Variants in FAM149A observed in about 807,000 individuals in gnomAD.
FAM149A encodes family with sequence similarity 149 member A, also known as protein FAM149A.
FAM149A carries 71 observed loss-of-function variants against 78.2 expected under a neutral mutation model. The ratio of observed to expected loss-of-function variants is 0.91; its 90% confidence interval spans 0.75 to 1.11. The LOEUF is 1.11. FAM149A is among the 50% of genes least tolerant of loss of function. The probability of loss-of-function intolerance (pLI) is 0.00; values close to 1 mark genes in which losing one functional copy is unlikely to be tolerated. For missense variants in FAM149A, 1,036 were observed against 971.0 expected (o/e 1.07, Z -0.89); for synonymous variants, 446 against 410.5 (o/e 1.09, Z -1.04).
chr4:186,132,889 T>C, intron 1 of FAM149A: 1 of 878,716 alleles, frequency 1.1e-6, no homozygotes, highest in Non-Finnish European at 1.4e-6. Flanking sequence ...TCTGTTTTGC[T>C]TTCACAGTCT....
rs201889401 is a variant in FAM149A, at chr4:186,149,654, A to G, written c.739A>G (p.Thr247Ala). 1,617 of 1,289,946 alleles carry G rather than the reference A, an allele frequency of 1.3e-3. 9 individuals are homozygous for G. The Middle Eastern group carries it at 0.025, about 20-fold the overall frequency. 79.9% of individuals were successfully genotyped at this position (1,289,946 alleles called of 1,614,324 possible). ...GTCTGGGTCGGCCACACAGAGCTCT[A>G]CCACCGGCTCATCCACGGAGAGGGG... The change falls in exon 3 of 14, where the codon ACC (threonine) becomes GCC (alanine). Residue 247 changes from threonine to alanine, a missense_variant. By Grantham distance (58) the Thr-to-Ala change is moderately conservative. This residue lies in a region of FAM149A where 716 missense variants were observed against 711.8 expected (regional missense o/e 1.01). Coordinates refer to ENST00000389354, the MANE Select transcript of FAM149A (RefSeq NM_001367768.3).
intron 1 of FAM149A, among the ~76,000 whole-genome samples, chr4:186,120,521 C>T (rs938938728): frequency 8.6e-5 from 13 of 151,914 alleles, no homozygotes; most frequent in African/African-American, 1.5e-4. Context: ...AGACCGGGCG[C>T]GGTGGCTCAC....
rs201628023 is a variant in FAM149A at position 186,163,610 on chromosome 4, C to T, written c.1866C>T (p.Asp622=). Residue 622 remains aspartate (D), a synonymous_variant, in exon 10 of 14, where the codon GAC becomes GAT. Coordinates refer to ENST00000389354, the MANE Select transcript of FAM149A (RefSeq NM_001367768.3). ...TAAAAACTCCCAACATCTATAGTGA[C>T]GAAGTTCTTCGGGGAACAAAACTGT... 11 of 1,613,964 alleles carry T rather than the reference C, an allele frequency of 6.8e-6. No individual in the cohort carries two copies. The East Asian group carries it at 8.9e-5, about 13-fold the overall frequency.
chr4:186,105,408 C>T lies in FAM149A; in HGVS notation c.332C>T (p.Pro111Leu), dbSNP rs1311675762. Residue 111 changes from proline to leucine, a missense_variant, in exon 1 of 14, where the codon CCC becomes CTC. Physicochemically the swap from Pro to Leu is moderately conservative, Grantham distance 98. Coordinates refer to ENST00000389354, the MANE Select transcript of FAM149A (RefSeq NM_001367768.3). ...GCGGGTAAAGCCCCGCCCCAGCCCC[C>T]CACTCCCTCCGGCGGGGGCTGCTCC... The T allele has an allele frequency of 1.7e-6, 2 of 1,186,448 alleles. No individual in the cohort carries two copies. Among genetic ancestry groups the T allele is most frequent in the Non-Finnish European group, 2.1e-6 (2 of 946,172 alleles). 73.5% of individuals were successfully genotyped at this position (1,186,448 alleles called of 1,614,324 possible). A position where few individuals can be genotyped will look rare whatever the true frequency, so the allele number is the denominator to read the frequency against.
intron 1 of FAM149A, chr4:186,132,944 A>G (rs1328592319): frequency 2.0e-6 from 2 of 983,086 alleles, no homozygotes; most frequent in African/African-American, 3.5e-5. Flanking sequence ...CCCCAGTGTG[A>G]TGGTATTTGG....
intron 1 of FAM149A, chr4:186,146,369 C>T: frequency 1.6e-6 from 1 of 627,172 alleles, no homozygotes; most frequent in Non-Finnish European, 2.0e-6. Context: ...ACCCAACTTC[C>T]CATTTCCCCC....
chr4:186,160,011 AC>A (rs1373024301), intron 8 of FAM149A, among the ~76,000 whole-genome samples: 4 of 88,442 alleles, frequency 4.5e-5, no homozygotes, highest in South Asian at 4.0e-4. Flanking sequence ...CCCCCCACAC[AC>A]CCCCCACACA....
At chr4:186,118,261 G>A in intron 1 of FAM149A, 1 of 984,188 alleles carries the variant, frequency 1.0e-6, no homozygotes, top group Non-Finnish European at 1.2e-6. Flanking sequence ...TCTGAAATGA[G>A]GAGCGTCTCC....
chr4:186,158,448 C>T (rs916034885), intron 8 of FAM149A: 1 of 1,144,082 alleles, frequency 8.7e-7, no homozygotes, highest in African/African-American at 1.6e-5. Flanking sequence ...ACACCATCCC[C>T]CAGGAACACC....
intron 7 of FAM149A, 40 bp from the exon 8 acceptor site, chr4:186,157,525 T>C (rs1734140970): frequency 1.3e-6 from 2 of 1,585,896 alleles, no homozygotes; most frequent in South Asian, 1.1e-5. Flanking sequence ...TATTAGATAA[T>C]CTGATGTTTC....
Position 186,104,848 on chromosome 4 carries a change from C to A in FAM149A, c.-229C>A. On this transcript the variant is annotated 5_prime_UTR_variant, in exon 1 of 14. Coordinates refer to ENST00000389354, the MANE Select transcript of FAM149A (RefSeq NM_001367768.3). ...GGGGTCTCACGGCGCTGGGACGAGGCGGGGCTGCTCTCCGCAGCCGGGGCG... is the reference window on the plus strand; with the variant it reads ...GGGGTCTCACGGCGCTGGGACGAGGAGGGGCTGCTCTCCGCAGCCGGGGCG... The A allele has an allele frequency of 1.7e-6, 1 of 591,586 alleles. No individual in the cohort carries two copies. The highest frequency in any genetic ancestry group is 2.1e-6 in the Non-Finnish European group (1 of 470,226). The allele number at this position is 591,586 out of a possible 1,614,324, so 36.6% of individuals were successfully genotyped here.
chr4:186,171,909 T>C lies in FAM149A; in HGVS notation c.2219-5T>C, dbSNP rs753781631. 6.2e-7 allele frequency: 1 copy of C among 1,603,800 alleles called. No individual in the cohort carries two copies. The highest frequency in any genetic ancestry group is 2.2e-5 in the East Asian group (1 of 44,570). The stretch of plus-strand genomic sequence containing the variant: ...TGAGAATTACCTTTTGCTTGGTGTT[T>C]CCAGGTTCACAATATGTGCCTAAAT... On this transcript the variant is annotated splice_region_variant and splice_polypyrimidine_tract_variant and intron_variant, in intron 13 of 13. Transcript: ENST00000389354.
At chr4:186,118,305 T>A (rs1168964242) in intron 1 of FAM149A, 2 of 906,264 alleles carry the variant, frequency 2.2e-6, no homozygotes, top group Admixed American at 1.2e-4. Context: ...TCAATGTGTG[T>A]GCCATTAGCT....
At chr4:186,137,331 G>A (rs780871453) in intron 1 of FAM149A, among the ~76,000 whole-genome samples, 6 of 151,822 alleles carry the variant, frequency 4.0e-5, no homozygotes, top group South Asian at 2.1e-4. Flanking sequence ...TGAGGTTTAC[G>A]AGTAAGGTAC....
intron 1 of FAM149A, among the ~76,000 whole-genome samples, chr4:186,145,454 T>C (rs1487952887): frequency 1.3e-5 from 2 of 152,202 alleles, no homozygotes; most frequent in East Asian, 1.9e-4. Flanking sequence ...ACAGTGCTTA[T>C]GTCAGACAGT....
chr4:186,156,154 G>A lies in FAM149A; in HGVS notation c.1384G>A (p.Glu462Lys), dbSNP rs750887144. 3 of 1,613,244 alleles carry A rather than the reference G, an allele frequency of 1.9e-6. No homozygotes were observed. The highest frequency in any genetic ancestry group is 1.7e-5 in the Admixed American group (1 of 59,848). Residue 462 changes from glutamate to lysine, a missense_variant, in exon 7 of 14, where the codon GAG (glutamate) becomes AAG (lysine). Coordinates refer to ENST00000389354, the MANE Select transcript of FAM149A (RefSeq NM_001367768.3). ...GACAAATATGGTAGAACTTTTGGAA[G>A]AGCTGATTAGAAAACACTGGGAAAC...
intron 1 of FAM149A, chr4:186,146,872 T>G: frequency 1.0e-6 from 1 of 985,466 alleles, no homozygotes; most frequent in Non-Finnish European, 1.2e-6. Context: ...GTTCCGCATT[T>G]GAGTTGCTAA....
In FAM149A at chr4:186,175,171, G is replaced by A. The variant is rs1276762824; in HGVS notation, c.*3184G>A. 9.0e-6 allele frequency among the ~76,000 whole-genome samples: 1 copy of A among 111,324 alleles called. No homozygotes were observed. The highest frequency in any genetic ancestry group is 2.8e-5 in the African/African-American group (1 of 35,772). 73.0% of individuals were successfully genotyped at this position (111,324 alleles called of 152,430 possible). On this transcript the variant is annotated 3_prime_UTR_variant, in exon 14 of 14. Coordinates refer to ENST00000389354, the MANE Select transcript of FAM149A (RefSeq NM_001367768.3). Reference sequence around the variant, plus strand: ...TAGATGGAATTTCTACACCAATTCAGAAGTACGTTTTTATATATCATTTGG... The same window carrying A: ...TAGATGGAATTTCTACACCAATTCAAAAGTACGTTTTTATATATCATTTGG...
chr4:186,150,523 C>T, intron 3 of FAM149A, among the ~76,000 whole-genome samples: 1 of 134,408 alleles, frequency 7.4e-6, no homozygotes, highest in Non-Finnish European at 1.6e-5. Context: ...GGGTTCACGC[C>T]ATTCTCCTGC....
Sources: gnomAD v4.1 joint callset for allele counts (sites outside exome capture counted in the v4.1 genomes callset) on GRCh38, gnomAD v4.1.1 for gene constraint, gnomAD v4.1.1 regional missense constraint, MANE v1.5 for transcripts, NCBI Gene and HGNC (gene_info 2026-07-23, HGNC 2026-07-21) for gene names.